HMGB1: variants seen among roughly 807,000 people sequenced by gnomAD.
HMGB1 encodes the protein high mobility group box 1.
For missense variants in HMGB1, 79 were observed against 253.5 expected (o/e 0.31, Z 4.67); for synonymous variants, 81 against 84.0 (o/e 0.96, Z 0.19).
In HMGB1 at chr13:30,465,908, CCT is replaced by C. The variant is rs1216213042; in HGVS notation, c.-129_-128del. ...CTGTGAGAGCGGGAGCCAGACGCAGCCTCCTCACTCTCTCCGCTCTGTAACAT... is the reference window on the plus strand; with the variant it reads ...CTGTGAGAGCGGGAGCCAGACGCAGCCCTCACTCTCTCCGCTCTGTAACAT... On this transcript the variant is annotated 5_prime_UTR_variant, in exon 1 of 5. The change abolishes the stop of an existing upstream ORF in the 5' untranslated region. Transcript: ENST00000341423. 8 of 985,806 alleles carry C rather than the reference CCT, an allele frequency of 8.1e-6. No individual in the cohort carries two copies. Among genetic ancestry groups the C allele is most frequent in the Non-Finnish European group, 9.6e-6 (8 of 829,980 alleles). The allele number at this position is 985,806 out of a possible 1,614,324, so 61.1% of individuals were successfully genotyped here. A position where few individuals can be genotyped will look rare whatever the true frequency, so the allele number is the denominator to read the frequency against.
chr13:30,510,837 TCTC>T (rs1255862499), intron 1 of HMGB1, among the ~76,000 whole-genome samples: 4 of 152,182 alleles, frequency 2.6e-5, no homozygotes, highest in African/African-American at 7.2e-5. Flanking sequence ...AGAGATCAAT[TCTC>T]CTCCAGCCCT....
Position 30,608,897 on chromosome 13 carries a change from C to A in HMGB1, c.-15+7774G>T, listed in dbSNP as rs189910244. Reference sequence around the variant, plus strand: ...TAAACTAAGTTTAATTTTGTGCCCTCATGGAGTTTATAGTATATTTGAGGT... The same window carrying A: ...TAAACTAAGTTTAATTTTGTGCCCTAATGGAGTTTATAGTATATTTGAGGT... On this transcript the variant is annotated intron_variant, in intron 1 of 4. Transcript: ENST00000405805. 2.0e-4 allele frequency among the ~76,000 whole-genome samples: 30 copies of A among 152,324 alleles called. 1 individual carries two copies. The highest frequency in any genetic ancestry group is 7.0e-4 in the African/African-American group (29 of 41,566).
chr13:30,500,466 C>T (rs1291590582), intron 1 of HMGB1, among the ~76,000 whole-genome samples: 2 of 150,996 alleles, frequency 1.3e-5, no homozygotes, highest in Admixed American at 6.6e-5. Context: ...AATTCCTGGG[C>T]TCAAGCAATC....
At chr13:30,512,978 C>T (rs1463687168) in intron 1 of HMGB1, among the ~76,000 whole-genome samples, 5 of 152,250 alleles carry the variant, frequency 3.3e-5, no homozygotes, top group Admixed American at 6.5e-5. Flanking sequence ...GCCTGGCCAA[C>T]GTGGTGAAAC....
intron 1 of HMGB1, among the ~76,000 whole-genome samples, chr13:30,495,757 T>C (rs1350622770): frequency 6.6e-6 from 1 of 152,220 alleles, no homozygotes; most frequent in East Asian, 1.9e-4. Flanking sequence ...GGATTACAGG[T>C]GTGAGCCACT....
At chr13:30,538,555 TTTTC>T (rs1466335008) in intron 1 of HMGB1, among the ~76,000 whole-genome samples, 6 of 99,048 alleles carry the variant, frequency 6.1e-5, no homozygotes, top group Non-Finnish European at 1.1e-4. Context: ...CTTTCTTTCT[TTTTC>T]TTTCTTCTTT....
chr13:30,575,335 C>T (rs1287848085), intron 1 of HMGB1, among the ~76,000 whole-genome samples: 2 of 152,190 alleles, frequency 1.3e-5, no homozygotes, highest in Admixed American at 6.5e-5. Context: ...GCCCTATTGA[C>T]TACGCTGACC....
chr13:30,554,162 A>G lies in HMGB1; in HGVS notation c.-15+62509T>C. On this transcript the variant is annotated intron_variant, in intron 1 of 4. Coordinates refer to the HMGB1 transcript ENST00000405805. ...ACATCTACTACGATTAGAAAATATC[A>G]ATAGTGGTGAAACCAGAACAATATC... The G allele has an allele frequency of 3.7e-6, 5 of 1,350,842 alleles. No individual in the cohort carries two copies. In the South Asian group the frequency reaches 5.8e-5, roughly 16 times the overall value. The allele number at this position is 1,350,842 out of a possible 1,614,324, so 83.7% of individuals were successfully genotyped here.
At chr13:30,464,200 A>G in intron 1 of HMGB1, 3 of 985,332 alleles carry the variant, frequency 3.0e-6, no homozygotes, top group Non-Finnish European at 3.6e-6. Context: ...CTTTGCATAA[A>G]ACTTTGCTCC....
At chr13:30,556,366 T>C (rs535633022) in intron 1 of HMGB1, among the ~76,000 whole-genome samples, 72 of 152,316 alleles carry the variant, frequency 4.7e-4, no homozygotes, top group African/African-American at 1.7e-3. Flanking sequence ...ATCCTGCCAC[T>C]GCACTCTAGC....
In HMGB1 at chr13:30,594,688, A is replaced by T. The variant is rs538497688; in HGVS notation, c.-15+21983T>A. 5.9e-5 allele frequency among the ~76,000 whole-genome samples: 9 copies of T among 152,336 alleles called. No homozygotes were observed. In the South Asian group the frequency reaches 1.4e-3, roughly 25 times the overall value. ...TATTGTGAACGGTGCTGCAATGAAC[A>T]TCTGAGCGCAGGTGTCTTTCTGGCA... On this transcript the variant is annotated intron_variant, in intron 1 of 4. Coordinates refer to the HMGB1 transcript ENST00000405805.
chr13:30,529,021 T>G (rs1193030733), intron 1 of HMGB1, among the ~76,000 whole-genome samples: 2 of 100,098 alleles, frequency 2.0e-5, no homozygotes, highest in East Asian at 6.2e-4. Context: ...AGGGCGAGAC[T>G]GCGTCTCAAA....
At chr13:30,524,422 G>A (rs957550069) in intron 1 of HMGB1, among the ~76,000 whole-genome samples, 10 of 151,804 alleles carry the variant, frequency 6.6e-5, no homozygotes, top group South Asian at 4.2e-4. Flanking sequence ...AGTTGAGCAC[G>A]GCTAGGAAGA....
chr13:30,568,444 G>C (rs1489603427), intron 1 of HMGB1, among the ~76,000 whole-genome samples: 1 of 152,146 alleles, frequency 6.6e-6, no homozygotes, highest in African/African-American at 2.4e-5. Flanking sequence ...GGAGTTCAAG[G>C]CTGCAGTGAG....
At chr13:30,574,875 G>A (rs1870579414) in intron 1 of HMGB1, among the ~76,000 whole-genome samples, 1 of 152,106 alleles carries the variant, frequency 6.6e-6, no homozygotes, top group South Asian at 2.1e-4. Flanking sequence ...AATAAACCAT[G>A]CTAGGAATCC....
intron 1 of HMGB1, among the ~76,000 whole-genome samples, chr13:30,482,720 G>A (rs1163620625): frequency 6.6e-6 from 1 of 152,050 alleles, no homozygotes; most frequent in Admixed American, 6.6e-5. Context: ...CATTGGTAGC[G>A]ACTTCAAGGG....
chr13:30,509,302 G>A (rs1033178057), intron 1 of HMGB1, among the ~76,000 whole-genome samples: 2 of 151,596 alleles, frequency 1.3e-5, no homozygotes, highest in African/African-American at 4.9e-5. Flanking sequence ...GTGGTGGTGT[G>A]ATCTTGGCTC....
intron 1 of HMGB1, among the ~76,000 whole-genome samples, chr13:30,483,000 C>T (rs1183052055): frequency 6.6e-6 from 1 of 151,458 alleles, no homozygotes; most frequent in Admixed American, 6.6e-5. Context: ...TATCCTGTTG[C>T]CCAGGCTGGT....
chr13:30,610,614 GTTTTCA>G (rs886065948), intron 1 of HMGB1, among the ~76,000 whole-genome samples: 1 of 152,100 alleles, frequency 6.6e-6, no homozygotes, highest in Admixed American at 6.5e-5. Flanking sequence ...ATTAGTAGAT[GTTTTCA>G]TTTTATCAGT....
Sources: gnomAD v4.1 joint callset for allele counts (sites outside exome capture counted in the v4.1 genomes callset) on GRCh38, gnomAD v4.1.1 for gene constraint, MANE v1.5 for transcripts, NCBI Gene and HGNC (gene_info 2026-07-23, HGNC 2026-07-21) for gene names.